EVC: variants seen among roughly 807,000 people sequenced by gnomAD.
The protein encoded by EVC is evC complex member EVC.
A neutral mutation model predicts 118.9 loss-of-function variants in EVC; 116 were observed. The observed-to-expected ratio is 0.98, with a 90% CI of 0.84 to 1.14. The LOEUF (loss-of-function observed/expected upper bound fraction) is 1.14, where lower values mean the gene tolerates loss of function less well. Ranked by LOEUF, EVC falls within the 50% of genes most tolerant of loss-of-function variation. The pLI is 0.00. For synonymous variants in EVC, 619 were observed against 534.7 expected, an observed-to-expected ratio of 1.16 and a Z score of -2.18; for missense variants, 1,401 against 1,246.4, an observed-to-expected ratio of 1.12 and a Z score of -1.87.
chr4:5,792,814 T>A (rs550826785), intron 12 of EVC, among the ~76,000 whole-genome samples: 1 of 152,240 alleles, frequency 6.6e-6, no homozygotes, highest in African/African-American at 2.4e-5. Flanking sequence ...ATCTTCAGAA[T>A]AAAAGCCACA....
chr4:5,747,986 T>C (rs752410012), intron 7 of EVC, 162 bp from the exon 8 acceptor site: 1 of 812,012 alleles, frequency 1.2e-6, no homozygotes, highest in Non-Finnish European at 2.0e-6. Context: ...AGAACTTCAC[T>C]GTAGAACGTG....
intron 1 of EVC, among the ~76,000 whole-genome samples, chr4:5,717,383 TTTTG>T (rs1324872991): frequency 1.3e-5 from 2 of 152,278 alleles, no homozygotes; most frequent in East Asian, 1.9e-4. Context: ...TGCTTTTTCC[TTTTG>T]TTTGTTTTGG....
rs1230781999 is a variant in EVC at position 5,761,551 on chromosome 4, TTGAAAGACTTTCGTTAG to T, written c.1563+5192_1563+5208del. Among the ~76,000 whole-genome samples, 12 of 152,000 alleles carry T rather than the reference TTGAAAGACTTTCGTTAG, an allele frequency of 7.9e-5. No homozygotes were observed. In the South Asian group the frequency reaches 8.3e-4, roughly 11 times the overall value. Reference sequence around the variant, plus strand: ...AGCAATGAGAGGAACAGTTACACACTTGAAAGACTTTCGTTAGTGCCTAGTAAATCTACAGTTTACGT... The same window carrying T: ...AGCAATGAGAGGAACAGTTACACACTTGCCTAGTAAATCTACAGTTTACGT... On this transcript the variant is annotated intron_variant, in intron 11 of 20. Transcript: ENST00000264956.
At chr4:5,801,093 C>T (rs964558547) in intron 15 of EVC, among the ~76,000 whole-genome samples, 3 of 152,194 alleles carry the variant, frequency 2.0e-5, no homozygotes, top group African/African-American at 7.2e-5. Flanking sequence ...CTACTTTGGT[C>T]TGAAGATGCA....
Position 5,731,579 on chromosome 4 carries a change from C to T in EVC, c.539C>T (p.Ser180Leu), listed in dbSNP as rs762136199. 14 of 1,614,010 alleles carry T rather than the reference C, an allele frequency of 8.7e-6. No homozygotes were observed. Among genetic ancestry groups the T allele is most frequent in the Middle Eastern group, 1.6e-4 (1 of 6,084 alleles). ...TGCAGCTCCTCATCCAGCGTCCACT[C>T]GGCCACCAGCGATGACAGGTTTCTC... ...DDCSSSSSVH[S>L]ATSDDRFLSR... Residue 180 changes from serine to leucine, a missense_variant, in exon 4 of 21, where the codon TCG becomes TTG. Ser to Leu is a moderately radical substitution (Grantham distance 145). Transcript: ENST00000264956. The surrounding 1 kb of genome is among the most constrained non-coding windows in gnomAD (Gnocchi z 5.6).
At position 5,729,294 on chromosome 4, in the gene EVC, C is replaced by T. The variant is rs1478477072; in HGVS notation, c.301-13C>T. On this transcript the variant is annotated splice_polypyrimidine_tract_variant and intron_variant, in intron 2 of 20. Coordinates refer to ENST00000264956, the MANE Select transcript of EVC (RefSeq NM_153717.3). ...AGAAAGTTTCCCATGCCGTTTGTGT[C>T]TTTCCCTCCCAGGAATGTGAGCCGC... The T allele has an allele frequency of 3.7e-6, 6 of 1,613,832 alleles. No individual in the cohort carries two copies. Among genetic ancestry groups the T allele is most frequent in the Non-Finnish European group, 5.1e-6 (6 of 1,179,850 alleles).
At chr4:5,819,938 A>G in the EVC span, among the ~76,000 whole-genome samples, 1 of 152,230 alleles carries the variant, frequency 6.6e-6, no homozygotes, top group Non-Finnish European at 1.5e-5. Context: ...GGAGAAGGGT[A>G]CATGAAAAGC....
At chr4:5,748,687 C>T (rs144236167) in intron 8 of EVC, among the ~76,000 whole-genome samples, 14 of 100,372 alleles carry the variant, frequency 1.4e-4, no homozygotes, top group African/African-American at 5.1e-4. Context: ...CATCCACCCA[C>T]CCATCCATCC....
intron 2 of EVC, among the ~76,000 whole-genome samples, chr4:5,720,026 A>T (rs930561758): frequency 6.6e-6 from 1 of 152,070 alleles, no homozygotes; most frequent in Non-Finnish European, 1.5e-5. Flanking sequence ...GGGCCTCTGG[A>T]AGAGATGTTA....
intron 1 of EVC, among the ~76,000 whole-genome samples, chr4:5,712,966 T>A (rs1367081017): frequency 2.6e-5 from 4 of 152,148 alleles, no homozygotes; most frequent in Admixed American, 2.6e-4. Flanking sequence ...TCTGCAAGGG[T>A]GTTTGTCCAG....
chr4:5,725,665 T>C (rs946342635), intron 2 of EVC, among the ~76,000 whole-genome samples: 1 of 152,210 alleles, frequency 6.6e-6, no homozygotes, highest in African/African-American at 2.4e-5. Flanking sequence ...TCCCCTTCTG[T>C]AGATTGTCTT....
At chr4:5,825,831 G>C in the EVC span, 4 of 634,160 alleles carry the variant, frequency 6.3e-6, no homozygotes, top group Non-Finnish European at 1.1e-5. The surrounding 1 kb of genome is among the most constrained non-coding windows in gnomAD (Gnocchi z 4.4). Flanking sequence ...ACATGCAGCC[G>C]CACACAGGCA....
chr4:5,797,407 G>A (rs1409482689), intron 14 of EVC, 175 bp downstream of exon 14: 5 of 645,480 alleles, frequency 7.7e-6, no homozygotes, highest in Middle Eastern at 8.2e-4. Context: ...AGCTTACACT[G>A]CACACATTTC....
intron 13 of EVC, among the ~76,000 whole-genome samples, chr4:5,794,672 A>G (rs1422008929): frequency 6.6e-6 from 1 of 151,862 alleles, no homozygotes; most frequent in Non-Finnish European, 1.5e-5. Flanking sequence ...CAGCCTTCCA[A>G]AGTGCTAGGA....
In EVC at chr4:5,716,616, TATGTTAAG is replaced by T. The variant is rs1337525125; in HGVS notation, c.175-2625_175-2618del. On this transcript the variant is annotated intron_variant, in intron 1 of 20. Coordinates refer to ENST00000264956, the MANE Select transcript of EVC (RefSeq NM_153717.3). ...GTTTCTGAAAAACAACTCAGGGACA[TATGTTAAG>T]ATGTTATCTTTAGTTTCTGCAGGGA... Among the ~76,000 whole-genome samples, 47 of 152,166 alleles carry T rather than the reference TATGTTAAG, an allele frequency of 3.1e-4. 1 individual carries two copies. The highest frequency in any genetic ancestry group is 3.1e-3 in the Admixed American group (47 of 15,280).
chr4:5,797,292 C>T, intron 14 of EVC, 60 bp downstream of exon 14: 1 of 1,387,390 alleles, frequency 7.2e-7, no homozygotes, highest in Non-Finnish European at 1.0e-6. Flanking sequence ...CAGCAGGCCC[C>T]AGCTTCCAGC....
intron 11 of EVC, among the ~76,000 whole-genome samples, chr4:5,774,256 C>T (rs748793565): frequency 4.0e-5 from 6 of 151,502 alleles, no homozygotes; most frequent in Admixed American, 6.6e-5. Context: ...ACAACTGAAA[C>T]AAAAACTGCC....
intron 11 of EVC, among the ~76,000 whole-genome samples, chr4:5,764,946 T>C (rs546892730): frequency 1.5e-5 from 2 of 137,844 alleles, no homozygotes; most frequent in African/African-American, 5.5e-5. Context: ...TCCTGCTAGC[T>C]TTTGAATGTG....
chr4:5,816,608 C>T (rs986623701), downstream of EVC, among the ~76,000 whole-genome samples: 1 of 149,136 alleles, frequency 6.7e-6, no homozygotes, highest in African/African-American at 2.5e-5. Context: ...TCCTTACCCC[C>T]TCTGTCCTTC....
Sources: allele counts gnomAD v4.1 joint callset (sites outside exome capture counted in the v4.1 genomes callset), GRCh38; gene constraint gnomAD v4.1.1; non-coding constraint Gnocchi (gnomAD v3.1); transcripts MANE v1.5; gene names NCBI Gene and HGNC (gene_info 2026-07-23, HGNC 2026-07-21).